The following LIMA1 variants were observed in gnomAD, a reference collection of about 807,000 sequenced individuals.
LIMA1 encodes LIM domain and actin-binding protein 1.
Under a neutral mutation model 62.6 loss-of-function variants are expected in LIMA1, and 52 were observed. The ratio of observed to expected loss-of-function variants is 0.83; its 90% CI spans 0.67 to 1.05. LIMA1 has a LOEUF of 1.05. Ranked by LOEUF, LIMA1 falls within the 50% of genes least tolerant of loss-of-function variation. The pLI is 0.00. For missense variants in LIMA1, 780 were observed against 902.2 expected (o/e 0.86, Z 1.74); for synonymous variants, 302 against 317.8 (o/e 0.95, Z 0.53).
intron 1 of LIMA1, among the ~76,000 whole-genome samples, chr12:50,254,724 C>CAG (rs1941971304): frequency 6.6e-6 from 1 of 152,162 alleles, no homozygotes; most frequent in Non-Finnish European, 1.5e-5. Flanking sequence ...AATTCATTTA[C>CAG]AGACTCTCCT....
intron 2 of LIMA1, among the ~76,000 whole-genome samples, chr12:50,245,984 A>G (rs2138631513): frequency 6.6e-6 from 1 of 152,164 alleles, no homozygotes; most frequent in South Asian, 2.1e-4. Flanking sequence ...CTGTAATCCC[A>G]GCACTTTGGG....
intron 9 of LIMA1, chr12:50,187,705 G>A (rs1940660910): frequency 6.6e-6 from 1 of 152,144 alleles, no homozygotes; most frequent in South Asian, 2.1e-4. Context: ...TACCGAGAGG[G>A]GCAGTGCAGT....
At chr12:50,254,278 T>C (rs2138654601) in intron 1 of LIMA1, among the ~76,000 whole-genome samples, 1 of 152,324 alleles carries the variant, frequency 6.6e-6, no homozygotes, top group Non-Finnish European at 1.5e-5. Flanking sequence ...GATCGTTGCA[T>C]GACAAATAAA....
At chr12:50,273,701 CTGTCTAAACAGTG>C (rs1374579439) in intron 1 of LIMA1, among the ~76,000 whole-genome samples, 11 of 152,298 alleles carry the variant, frequency 7.2e-5, no homozygotes, top group African/African-American at 1.7e-4. Context: ...AATCAGTACA[CTGTCTAAACAGTG>C]TGTCTAAACA....
chr12:50,195,891 C>CAAAAA lies in LIMA1; in HGVS notation c.973-9_973-5dup, dbSNP rs373254884. ...GGCTATTCTCATTTGCAGAAATCTA[C>CAAAAA]AAAAAAAAAAAAAAAAAAAAAGTTA... is the stretch of plus-strand genomic sequence containing the variant. On this transcript the variant is annotated splice_polypyrimidine_tract_variant and splice_region_variant and intron_variant, in intron 7 of 10. Coordinates refer to ENST00000341247, the MANE Select transcript of LIMA1 (RefSeq NM_016357.5). The CAAAAA allele has an allele frequency of 1.6e-4, 172 of 1,098,548 alleles. No homozygotes were observed. The highest frequency in any genetic ancestry group is 8.5e-4 in the South Asian group (39 of 45,674). The allele number at this position is 1,098,548 out of a possible 1,614,324, so 68.1% of individuals were successfully genotyped here. A position where few individuals can be genotyped will look rare whatever the true frequency, so the allele number is the denominator to read the frequency against.
chr12:50,185,714 G>A (rs926243782), intron 9 of LIMA1: 1 of 332,634 alleles, frequency 3.0e-6, no homozygotes, highest in Non-Finnish European at 5.9e-6. Flanking sequence ...CAATTCTTTA[G>A]TGGCTTACTA....
intron 4 of LIMA1, among the ~76,000 whole-genome samples, chr12:50,208,829 A>G (rs1941200926): frequency 6.6e-6 from 1 of 151,118 alleles, no homozygotes; most frequent in Admixed American, 6.6e-5. Context: ...GCAACATAGG[A>G]AGACTCCATC....
chr12:50,190,997 T>C (rs1163872885), intron 9 of LIMA1, among the ~76,000 whole-genome samples: 5 of 150,022 alleles, frequency 3.3e-5, no homozygotes, highest in African/African-American at 1.2e-4. Context: ...TGGCATGTGC[T>C]TATAGTCCCA....
At chr12:50,235,109 A>T (rs531415394) in intron 2 of LIMA1, among the ~76,000 whole-genome samples, 22 of 151,780 alleles carry the variant, frequency 1.4e-4, no homozygotes, top group Admixed American at 4.6e-4. Flanking sequence ...ATTTAAAAAA[A>T]TTTTTTTTAG....
intron 9 of LIMA1, among the ~76,000 whole-genome samples, chr12:50,183,308 A>C (rs754535204): frequency 6.6e-6 from 1 of 152,190 alleles, no homozygotes; most frequent in African/African-American, 2.4e-5. Flanking sequence ...TGCCCAACAC[A>C]AACACCTCAA....
chr12:50,268,831 A>T lies in LIMA1; in HGVS notation c.-24+14589T>A, dbSNP rs1942170596. On this transcript the variant is annotated intron_variant, in intron 1 of 10. Coordinates refer to ENST00000341247, the MANE Select transcript of LIMA1 (RefSeq NM_016357.5). ...CTCAAGGTCACAGAGCTAATAACTGATAGAGCTAGGATTTGAAACAATCCC... is the reference window on the plus strand; with the variant it reads ...CTCAAGGTCACAGAGCTAATAACTGTTAGAGCTAGGATTTGAAACAATCCC... Among the ~76,000 whole-genome samples, 3 of 152,180 alleles carry T rather than the reference A, an allele frequency of 2.0e-5. No individual in the cohort carries two copies. The South Asian group carries it at 6.2e-4, about 32-fold the overall frequency.
At chr12:50,178,095 A>C in intron 10 of LIMA1, 26 bp from the exon 11 acceptor site, 1 of 1,406,338 alleles carries the variant, frequency 7.1e-7, no homozygotes, top group East Asian at 2.6e-5. Context: ...AAAAAGCATA[A>C]ACTTAGCAAA....
chr12:50,213,834 T>G (rs1461991005), intron 4 of LIMA1, among the ~76,000 whole-genome samples: 1 of 152,180 alleles, frequency 6.6e-6, no homozygotes, highest in Non-Finnish European at 1.5e-5. Flanking sequence ...TGACATTGCT[T>G]GTTGATATGT....
intron 3 of LIMA1, 196 bp from the exon 4 acceptor site, chr12:50,222,681 A>T: frequency 6.7e-7 from 1 of 1,497,162 alleles, no homozygotes; most frequent in Non-Finnish European, 8.9e-7. Context: ...GGGAAGAGAG[A>T]AAAACTCAGG....
chr12:50,205,903 G>T, intron 5 of LIMA1, 81 bp downstream of exon 5: 1 of 928,970 alleles, frequency 1.1e-6, no homozygotes, highest in Non-Finnish European at 1.6e-6. Context: ...TCCTTTAAAA[G>T]CATTGGCTTC....
rs567110481 is a variant in LIMA1, at chr12:50,215,093, T to C, written c.630+6928A>G. ...AGATTGGCTATGAATAAGTACCTGA[T>C]GAACAGAGATCATCACACTTTAGCT... On this transcript the variant is annotated intron_variant, in intron 4 of 10. Coordinates refer to ENST00000341247, the MANE Select transcript of LIMA1 (RefSeq NM_016357.5). 5.9e-5 allele frequency among the ~76,000 whole-genome samples: 9 copies of C among 152,214 alleles called. No individual in the cohort carries two copies. In the South Asian group the frequency reaches 1.7e-3, roughly 28 times the overall value.
At position 50,267,372 on chromosome 12, in the gene LIMA1, C is replaced by T. The variant is rs117283431; in HGVS notation, c.-24+16048G>A. On this transcript the variant is annotated intron_variant, in intron 1 of 10. Transcript: ENST00000341247. The stretch of plus-strand genomic sequence containing the variant: ...AGACGTGAGCCACCGCACCCGGTCA[C>T]GCCCAGCTAATTTTTGTATTTTTTT... Among the ~76,000 whole-genome samples the T allele has an allele frequency of 5.8e-3, 875 of 150,976 alleles. 4 individuals carry two copies. Among genetic ancestry groups the T allele is most frequent in the Non-Finnish European group, 8.4e-3 (565 of 67,592 alleles).
chr12:50,177,820 C>T lies in LIMA1; in HGVS notation c.1524G>A (p.Met508Ile). 3 of 1,613,630 alleles carry T rather than the reference C, an allele frequency of 1.9e-6. No individual in the cohort carries two copies. The highest frequency in any genetic ancestry group is 2.5e-6 in the Non-Finnish European group (3 of 1,179,776). The change falls in exon 11 of 11, where the codon ATG (methionine) becomes ATA (isoleucine). Residue 508 changes from methionine (M) to isoleucine (I), a missense_variant. Met to Ile is a conservative substitution (Grantham distance 10). Coordinates refer to ENST00000341247, the MANE Select transcript of LIMA1 (RefSeq NM_016357.5). ...CCTGCTGAGAGGAGGCCTTGGCTTC[C>T]ATACTTGCAGCCAGGACACCCACCT... ...IAKVGVLAAS[M>I]EAKASSQQEK... is the part of the protein sequence containing the mutation.
At chr12:50,209,554 C>T (rs1296287058) in intron 4 of LIMA1, among the ~76,000 whole-genome samples, 6 of 115,894 alleles carry the variant, frequency 5.2e-5, no homozygotes, top group South Asian at 2.8e-4. Context: ...GGTGACAGAG[C>T]GAGACTCCAT....
Sources: gnomAD v4.1 joint callset for allele counts (sites outside exome capture counted in the v4.1 genomes callset) on GRCh38, gnomAD v4.1.1 for gene constraint, MANE v1.5 for transcripts, NCBI Gene and HGNC (gene_info 2026-07-23, HGNC 2026-07-21) for gene names.